Variants in GSK3B observed in about 807,000 individuals in gnomAD.
GSK3B encodes glycogen synthase kinase-3 beta.
GSK3B carries 15 observed loss-of-function variants against 56.4 expected under a neutral mutation model. That is an observed-to-expected ratio of 0.27 (90% CI 0.18 to 0.41). The LOEUF is 0.41. Ranked by LOEUF, GSK3B falls within the 10% of genes least tolerant of loss-of-function variation. The pLI is 1.00. For synonymous variants in GSK3B, 181 were observed against 188.9 expected, an observed-to-expected ratio of 0.96 and a Z score of 0.34; for missense variants, 300 against 513.4, an observed-to-expected ratio of 0.58 and a Z score of 4.02.
chr3:119,920,682 T>C (rs2056831502), intron 4 of GSK3B, among the ~76,000 whole-genome samples: 1 of 152,208 alleles, frequency 6.6e-6, no homozygotes, highest in African/African-American at 2.4e-5. Flanking sequence ...GATGGTTATG[T>C]AGGGTGCTGG....
At chr3:119,892,659 AT>A (rs2056516552) in intron 7 of GSK3B, among the ~76,000 whole-genome samples, 1 of 152,162 alleles carries the variant, frequency 6.6e-6, no homozygotes, top group South Asian at 2.1e-4. Context: ...AAATTAACGC[AT>A]GTAGTTAATG....
intron 10 of GSK3B, 87 bp downstream of exon 10, chr3:119,843,168 G>A: frequency 1.4e-6 from 1 of 712,524 alleles, no homozygotes; most frequent in Non-Finnish European, 2.4e-6. Flanking sequence ...ACCCACCTCG[G>A]CCTCCCAAAG....
intron 2 of GSK3B, among the ~76,000 whole-genome samples, chr3:119,985,425 T>C (rs2057506515): frequency 1.3e-5 from 2 of 152,174 alleles, no homozygotes; most frequent in Admixed American, 6.5e-5. Context: ...CATGATTGTA[T>C]ATTTGGAAAA....
At chr3:119,961,769 G>A (rs2057274951) in intron 2 of GSK3B, among the ~76,000 whole-genome samples, 1 of 152,032 alleles carries the variant, frequency 6.6e-6, no homozygotes, top group Non-Finnish European at 1.5e-5. Flanking sequence ...TGACTTGATG[G>A]TTCACCTCAA....
chr3:120,014,178 C>A (rs1262271791), intron 1 of GSK3B, among the ~76,000 whole-genome samples: 8 of 146,846 alleles, frequency 5.4e-5, no homozygotes, highest in Admixed American at 3.4e-4. Context: ...ACAACAACAA[C>A]AAAGATGTTG....
intron 2 of GSK3B, among the ~76,000 whole-genome samples, chr3:119,983,947 T>C (rs1406207247): frequency 6.6e-6 from 1 of 152,134 alleles, no homozygotes; most frequent in Admixed American, 6.5e-5. Context: ...ACTGACCACA[T>C]AATTGGAAGT....
At chr3:120,055,187 AAT>A (rs1218948413) in intron 1 of GSK3B, among the ~76,000 whole-genome samples, 1 of 152,054 alleles carries the variant, frequency 6.6e-6, no homozygotes, top group African/African-American at 2.4e-5. Context: ...TAGAAAAAAA[AAT>A]GTGTCTTGTT....
chr3:120,058,745 C>A (rs925416813), intron 1 of GSK3B, among the ~76,000 whole-genome samples: 7 of 152,144 alleles, frequency 4.6e-5, no homozygotes, highest in Admixed American at 1.3e-4. Context: ...CATGGTGGCT[C>A]ATGCCTGTAA....
At chr3:120,000,210 A>G (rs1245976084) in intron 2 of GSK3B, among the ~76,000 whole-genome samples, 2 of 152,260 alleles carry the variant, frequency 1.3e-5, no homozygotes, top group African/African-American at 4.8e-5. Context: ...TCTGAATAAC[A>G]GTGAATTATA....
In GSK3B at chr3:120,063,142, G is replaced by A. The variant is rs545066561; in HGVS notation, c.88+30205C>T. The stretch of plus-strand genomic sequence containing the variant: ...ATTTTTTTAAAAAAGCATTCACAGT[G>A]TATAAATGCTGCACATGCCTTTAAT... On this transcript the variant is annotated intron_variant, in intron 1 of 10. Coordinates refer to ENST00000264235, the MANE Select transcript of GSK3B (RefSeq NM_001146156.2). Among the ~76,000 whole-genome samples, 26 of 152,258 alleles carry A rather than the reference G, an allele frequency of 1.7e-4. No individual in the cohort carries two copies. In the Middle Eastern group the frequency reaches 0.02, roughly 120 times the overall value.
intron 4 of GSK3B, among the ~76,000 whole-genome samples, chr3:119,922,782 A>T (rs1351685434): frequency 1.3e-5 from 2 of 152,142 alleles, no homozygotes; most frequent in Non-Finnish European, 2.9e-5. Context: ...CATAGTTAAT[A>T]AAATAATTTG....
At position 119,948,994 on chromosome 3, in the gene GSK3B, G is replaced by A. The variant is rs575840421; in HGVS notation, c.283-1643C>T. Among the ~76,000 whole-genome samples the A allele has an allele frequency of 8.5e-5, 13 of 152,290 alleles. No individual in the cohort carries two copies. In the East Asian group the frequency reaches 9.7e-4, roughly 11 times the overall value. On this transcript the variant is annotated intron_variant, in intron 2 of 10. Transcript: ENST00000264235. ...TGGGATTACAGGCGTGAGCCACAGCGCCCAGCCTCTATACTTTGTTAATTC... is the reference window on the plus strand; with the variant it reads ...TGGGATTACAGGCGTGAGCCACAGCACCCAGCCTCTATACTTTGTTAATTC...
chr3:120,057,085 C>G (rs553703712), intron 1 of GSK3B, among the ~76,000 whole-genome samples: 1 of 152,106 alleles, frequency 6.6e-6, no homozygotes, highest in African/African-American at 2.4e-5. Context: ...GCAGAGGTTG[C>G]GGTGAGCCAA....
intron 2 of GSK3B, among the ~76,000 whole-genome samples, chr3:119,957,092 C>T (rs932260597): frequency 6.6e-6 from 1 of 152,118 alleles, no homozygotes; most frequent in African/African-American, 2.4e-5. Context: ...AGTTCCTTAC[C>T]GTCAATCTCA....
chr3:120,038,786 C>G (rs2058042348), intron 1 of GSK3B, among the ~76,000 whole-genome samples: 2 of 150,666 alleles, frequency 1.3e-5, no homozygotes, highest in Admixed American at 1.3e-4. Context: ...TTGACGAGGA[C>G]TTTTTACATA....
At chr3:119,886,707 T>C (rs1006613557) in intron 7 of GSK3B, among the ~76,000 whole-genome samples, 3 of 152,046 alleles carry the variant, frequency 2.0e-5, no homozygotes, top group Admixed American at 1.3e-4. Flanking sequence ...AAAAATTACG[T>C]CCTTTGCAAC....
At chr3:120,054,010 G>C (rs1005542054) in intron 1 of GSK3B, among the ~76,000 whole-genome samples, 2 of 152,100 alleles carry the variant, frequency 1.3e-5, no homozygotes, top group African/African-American at 4.8e-5. Context: ...TTTTAGAACA[G>C]GGCTGTTGCT....
chr3:119,959,768 C>T (rs1450673405), intron 2 of GSK3B, among the ~76,000 whole-genome samples: 1 of 151,894 alleles, frequency 6.6e-6, no homozygotes, highest in Non-Finnish European at 1.5e-5. Flanking sequence ...CCTCCAACCT[C>T]AGCCTCCCTA....
chr3:120,057,502 TC>T (rs1421095317), intron 1 of GSK3B, among the ~76,000 whole-genome samples: 1 of 152,190 alleles, frequency 6.6e-6, no homozygotes, highest in Non-Finnish European at 1.5e-5. Flanking sequence ...TAATTAAATG[TC>T]TAGCAAGAAG....
Sources: gnomAD v4.1 joint callset for allele counts (sites outside exome capture counted in the v4.1 genomes callset) on GRCh38, gnomAD v4.1.1 for gene constraint, MANE v1.5 for transcripts, NCBI Gene and HGNC (gene_info 2026-07-23, HGNC 2026-07-21) for gene names.